LRTM2: variants seen among roughly 807,000 people sequenced by gnomAD.
The protein encoded by LRTM2 is leucine rich repeat transmembrane protein 2, also known as leucine-rich repeat and transmembrane domain-containing protein 2.
A neutral mutation model predicts 28.1 loss-of-function variants in LRTM2; 18 were observed. That is an observed-to-expected ratio of 0.64 (90% CI 0.44 to 0.95). LRTM2 has a LOEUF of 0.95. Among genes scored for constraint, LRTM2 ranks in the 40% least tolerant of loss-of-function variants. LRTM2 has a pLI of 0.00. For synonymous variants in LRTM2, 250 were observed against 218.7 expected (o/e 1.14, Z -1.26); for missense variants, 436 against 497.2 (o/e 0.88, Z 1.17).
chr12:1,834,800 C>A lies in LRTM2; in HGVS notation c.*79C>A. On this transcript the variant is annotated 3_prime_UTR_variant, in exon 5 of 5. Coordinates refer to ENST00000299194, the MANE Select transcript of LRTM2 (RefSeq NM_001039029.3). This position sits in a 1 kb window ranked among gnomAD's most constrained non-coding sequence, Gnocchi z 7.6. ...CTCAGCCACAGCTCCCACCTTGACC[C>A]GGCGCTGGCCACTGCCTCCCCGAGT... 6.8e-7 allele frequency: 1 copy of A among 1,475,672 alleles called. No individual in the cohort carries two copies. Among genetic ancestry groups the A allele is most frequent in the East Asian group, 2.4e-5 (1 of 42,370 alleles). 91.4% of individuals were successfully genotyped at this position (1,475,672 alleles called of 1,614,324 possible).
chr12:1,821,782 G>T (rs1864114082), intron 1 of LRTM2, among the ~76,000 whole-genome samples: 1 of 152,140 alleles, frequency 6.6e-6, no homozygotes, highest in Admixed American at 6.5e-5. Flanking sequence ...TCACATTCCT[G>T]CACCTCCCTG....
chr12:1,823,118 G>A (rs1864175937), intron 1 of LRTM2: 1 of 152,442 alleles, frequency 6.6e-6, no homozygotes. Context: ...AGATGCCAGG[G>A]GAGTGGGCAC....
At chr12:1,831,967 T>C (rs1864655331) in intron 4 of LRTM2, among the ~76,000 whole-genome samples, 1 of 152,114 alleles carries the variant, frequency 6.6e-6, no homozygotes, top group African/African-American at 2.4e-5. Context: ...CTTAAACATC[T>C]CCCCTTACAT....
At position 1,834,539 on chromosome 12, in the gene LRTM2, G is replaced by A. The variant is rs754081152; in HGVS notation, c.931G>A (p.Val311Met). The A allele has an allele frequency of 1.9e-6, 3 of 1,604,650 alleles. No homozygotes were observed. The highest frequency in any genetic ancestry group is 2.5e-6 in the Non-Finnish European group (3 of 1,179,920). Residue 311 changes from valine (V) to methionine (M), a missense_variant, in exon 5 of 5, where the codon GTG becomes ATG. Physicochemically the swap from Val to Met is conservative, Grantham distance 21. Coordinates refer to ENST00000299194, the MANE Select transcript of LRTM2 (RefSeq NM_001039029.3). The surrounding 1 kb of genome is among the most constrained non-coding windows in gnomAD (Gnocchi z 7.6). Reference sequence around the variant, plus strand: ...GAGCGTGAGGCGAGCCATGGGCACGGTGATCATTGCAGGGGTCGTGTGCGG... The same window carrying A: ...GAGCGTGAGGCGAGCCATGGGCACGATGATCATTGCAGGGGTCGTGTGCGG... ...PASVRRAMGTVIIAGVVCGVV... is the reference protein window; with the variant it reads ...PASVRRAMGTMIIAGVVCGVV...
At position 1,827,845 on chromosome 12, in the gene LRTM2, C is replaced by T. The variant is rs563669069; in HGVS notation, c.-73-231C>T. On this transcript the variant is annotated intron_variant, in intron 2 of 4. Transcript: ENST00000299194. ...GCCCATGGGTGCACCCCCAGCTTTG[C>T]GGCACTGTGCCCGACCCTCGGGCTC... 277 of 350,586 alleles carry T rather than the reference C, an allele frequency of 7.9e-4. 1 individual carries two copies. The highest frequency in any genetic ancestry group is 4.3e-3 in the East Asian group (101 of 23,606). The allele number at this position is 350,586 out of a possible 1,614,324, so 21.7% of individuals were successfully genotyped here. A position where few individuals can be genotyped will look rare whatever the true frequency, so the allele number is the denominator to read the frequency against.
chr12:1,828,630 C>T lies in LRTM2; in HGVS notation c.67+415C>T, dbSNP rs532699112. ...CCCTTTTGCTCCCGTGGGGAACTGC[C>T]CCCTTGGCTGGCCTCGGCCAGGAGC... On this transcript the variant is annotated intron_variant, in intron 3 of 4. Coordinates refer to ENST00000299194, the MANE Select transcript of LRTM2 (RefSeq NM_001039029.3). The surrounding 1 kb of genome is among the most constrained non-coding windows in gnomAD (Gnocchi z 4.2). Among the ~76,000 whole-genome samples, 177 of 152,314 alleles carry T rather than the reference C, an allele frequency of 1.2e-3. 2 individuals carry two copies. The highest frequency in any genetic ancestry group is 6.8e-3 in the Middle Eastern group (2 of 294).
At chr12:1,824,697 C>G (rs1422200388) in intron 1 of LRTM2, among the ~76,000 whole-genome samples, 1 of 152,238 alleles carries the variant, frequency 6.6e-6, no homozygotes, top group African/African-American at 2.4e-5. Flanking sequence ...GCTGCGGCAG[C>G]TGCTCTCCAA....
At position 1,834,472 on chromosome 12, in the gene LRTM2, GCC is replaced by G; in HGVS notation, c.866_867del (p.Pro289GlnfsTer91). 1 of 1,610,356 alleles carries G rather than the reference GCC, an allele frequency of 6.2e-7. No homozygotes were observed. Among genetic ancestry groups the G allele is most frequent in the Non-Finnish European group, 8.5e-7 (1 of 1,179,836 alleles). Reference protein sequence around the residue: ...PKPGAEPEPEPSTACPQKQRH... With the variant: ...PKPGAEPEPEXSTACPQKQRH... ...AGCCCGGGGCTGAGCCGGAGCCGGA[GCC>G]CAGCACAGCCTGCCCACAGAAGCAG... is the stretch of plus-strand genomic sequence containing the variant. On this transcript the variant is annotated frameshift_variant, in exon 5 of 5. Coordinates refer to ENST00000299194, the MANE Select transcript of LRTM2 (RefSeq NM_001039029.3). LOFTEE classifies it high-confidence loss of function. This position sits in a 1 kb window ranked among gnomAD's most constrained non-coding sequence, Gnocchi z 7.6.
Position 1,829,485 on chromosome 12 carries a change from G to A in LRTM2, c.67+1270G>A, listed in dbSNP as rs111468844. 7.3e-3 allele frequency among the ~76,000 whole-genome samples: 1,114 copies of A among 152,132 alleles called. 16 individuals are homozygous for A. The highest frequency in any genetic ancestry group is 0.025 in the African/African-American group (1,027 of 41,514). Reference sequence around the variant, plus strand: ...ATGGCTGTACCTGTGCTCACTTCTCGCCAAGAACAGTGAGGCTTGCTGTTA... The same window carrying A: ...ATGGCTGTACCTGTGCTCACTTCTCACCAAGAACAGTGAGGCTTGCTGTTA... On this transcript the variant is annotated intron_variant, in intron 3 of 4. Coordinates refer to ENST00000299194, the MANE Select transcript of LRTM2 (RefSeq NM_001039029.3). This position sits in a 1 kb window ranked among gnomAD's most constrained non-coding sequence, Gnocchi z 4.2.
chr12:1,829,111 C>T lies in LRTM2; in HGVS notation c.67+896C>T, dbSNP rs548273522. On this transcript the variant is annotated intron_variant, in intron 3 of 4. Transcript: ENST00000299194. The surrounding 1 kb of genome is among the most constrained non-coding windows in gnomAD (Gnocchi z 4.2). ...TAGAATCACTCAACACCTCGCAATA[C>T]GGGCTTATGTTTTCTTGTCACTGGA... is the stretch of plus-strand genomic sequence containing the variant. 1.1e-4 allele frequency among the ~76,000 whole-genome samples: 16 copies of T among 152,322 alleles called. No individual in the cohort carries two copies. The highest frequency in any genetic ancestry group is 4.1e-4 in the South Asian group (2 of 4,824).
At chr12:1,825,456 G>A (rs1274790902) in intron 1 of LRTM2, among the ~76,000 whole-genome samples, 1 of 152,178 alleles carries the variant, frequency 6.6e-6, no homozygotes, top group East Asian at 1.9e-4. Context: ...GCTCTGCAGG[G>A]GTTCTCTCTA....
rs1295588385 is a variant in LRTM2 at position 1,828,480 on chromosome 12, A to G, written c.67+265A>G. Among the ~76,000 whole-genome samples, 2 of 152,194 alleles carry G rather than the reference A, an allele frequency of 1.3e-5. No individual in the cohort carries two copies. Among genetic ancestry groups the G allele is most frequent in the Admixed American group, 6.5e-5 (1 of 15,286 alleles). Reference sequence around the variant, plus strand: ...GACAGTTGTTCTACCTCCCCCAGGTAAGTCTCTGTGAGCTTGCTGGGGTCC... The same window carrying G: ...GACAGTTGTTCTACCTCCCCCAGGTGAGTCTCTGTGAGCTTGCTGGGGTCC... On this transcript the variant is annotated intron_variant, in intron 3 of 4. Transcript: ENST00000299194. The surrounding 1 kb of genome is among the most constrained non-coding windows in gnomAD (Gnocchi z 4.2).
intron 1 of LRTM2, among the ~76,000 whole-genome samples, chr12:1,824,590 G>A (rs1430583442): frequency 6.6e-6 from 1 of 152,216 alleles, no homozygotes. Context: ...GAGGCCATGG[G>A]ACTTGCAGAC....
At chr12:1,827,385 T>A (rs1192542807) in intron 1 of LRTM2, 25 bp from the exon 2 acceptor site, 1 of 152,944 alleles carries the variant, frequency 6.5e-6, no homozygotes, top group Non-Finnish European at 1.5e-5. Flanking sequence ...TCACCTCTCC[T>A]TGTGTCCCTG....
In LRTM2 at chr12:1,828,060, C is replaced by T. The variant is rs1303604692; in HGVS notation, c.-73-16C>T. 37 of 1,300,564 alleles carry T rather than the reference C, an allele frequency of 2.8e-5. No homozygotes were observed. The East Asian group carries it at 1.0e-3, about 35-fold the overall frequency. The allele number at this position is 1,300,564 out of a possible 1,614,324, so 80.6% of individuals were successfully genotyped here. On this transcript the variant is annotated splice_polypyrimidine_tract_variant and intron_variant, in intron 2 of 4. Transcript: ENST00000299194. The surrounding 1 kb of genome is among the most constrained non-coding windows in gnomAD (Gnocchi z 4.2). ...CTCCCGCGCCTGCCTGTGCTCAGTG[C>T]TCCTCCCTCCCTCAGGACTGACAGG...
chr12:1,825,578 G>A (rs1864279628), intron 1 of LRTM2, among the ~76,000 whole-genome samples: 1 of 152,224 alleles, frequency 6.6e-6, no homozygotes, highest in East Asian at 1.9e-4. Flanking sequence ...AAGTGCTGGA[G>A]TGCTGCCAGC....
intron 1 of LRTM2, among the ~76,000 whole-genome samples, chr12:1,823,832 T>C (rs923337667): frequency 6.6e-6 from 1 of 152,166 alleles, no homozygotes; most frequent in South Asian, 2.1e-4. Flanking sequence ...GGCAATGCCG[T>C]GGACACTGCA....
At position 1,830,956 on chromosome 12, in the gene LRTM2, T is replaced by G; in HGVS notation, c.89T>G (p.Leu30Arg). The change falls in exon 4 of 5, where the codon CTG becomes CGG. Residue 30 changes from leucine to arginine, a missense_variant. Transcript: ENST00000299194. ...CAAGGGATCACCTGCTGGATCGCCC[T>G]GTATGCTGTGGAGGCCCTCCCCACC... is the stretch of plus-strand genomic sequence containing the variant. Reference protein sequence around the residue: ...QVSWITCWIALYAVEALPTCP... With the variant: ...QVSWITCWIARYAVEALPTCP... 2 of 1,610,818 alleles carry G rather than the reference T, an allele frequency of 1.2e-6. No homozygotes were observed. The highest frequency in any genetic ancestry group is 1.7e-6 in the Non-Finnish European group (2 of 1,177,790).
Position 1,831,464 on chromosome 12 carries a change from C to T in LRTM2, c.597C>T (p.Pro199=). ...NLQLLQVGDN[P]WECDCNLREF... ...AGCTGCTGCAGGTCGGGGATAACCC[C>T]TGGGAGTGTGACTGTAACCTGCGTG... is the stretch of plus-strand genomic sequence containing the variant. The change falls in exon 4 of 5, where the codon CCC becomes CCT. Residue 199 remains proline (P), a synonymous_variant. Coordinates refer to ENST00000299194, the MANE Select transcript of LRTM2 (RefSeq NM_001039029.3). 1 of 1,614,080 alleles carries T rather than the reference C, an allele frequency of 6.2e-7. No homozygotes were observed. Among genetic ancestry groups the T allele is most frequent in the Non-Finnish European group, 8.5e-7 (1 of 1,180,028 alleles).
Sources: allele counts gnomAD v4.1 joint callset (sites outside exome capture counted in the v4.1 genomes callset), GRCh38; gene constraint gnomAD v4.1.1; non-coding constraint Gnocchi (gnomAD v3.1); transcripts MANE v1.5; gene names NCBI Gene and HGNC (gene_info 2026-07-23, HGNC 2026-07-21).